Variants in SPTLC3 observed in about 807,000 individuals in gnomAD.
The protein encoded by SPTLC3 is serine palmitoyltransferase 3.
A neutral mutation model predicts 59.3 loss-of-function variants in SPTLC3; 36 were observed. That is an observed-to-expected ratio of 0.61 (90% CI 0.47 to 0.80). The LOEUF (loss-of-function observed/expected upper bound fraction) is 0.80. Among genes scored for constraint, SPTLC3 ranks in the 30% least tolerant of loss-of-function variants. The pLI, the probability that SPTLC3 is intolerant of heterozygous loss-of-function variation, is 0.00. For missense variants in SPTLC3, 625 were observed against 685.1 expected, an observed-to-expected ratio of 0.91 and a Z score of 0.98; for synonymous variants, 257 against 240.8, an observed-to-expected ratio of 1.07 and a Z score of -0.62.
At chr20:13,150,518 G>A (rs910682926) in intron 9 of SPTLC3, among the ~76,000 whole-genome samples, 1 of 152,132 alleles carries the variant, frequency 6.6e-6, no homozygotes, top group Non-Finnish European at 1.5e-5. Context: ...TCCATCCAGG[G>A]ACTCCAAAGT....
chr20:13,089,279 A>C (rs1209207480), intron 4 of SPTLC3, among the ~76,000 whole-genome samples: 1 of 152,192 alleles, frequency 6.6e-6, no homozygotes, highest in African/African-American at 2.4e-5. Flanking sequence ...TGTGTGTGCA[A>C]ATTACAGCAT....
At chr20:13,080,021 G>A (rs1023106527) in intron 4 of SPTLC3, among the ~76,000 whole-genome samples, 4 of 152,218 alleles carry the variant, frequency 2.6e-5, no homozygotes, top group African/African-American at 9.6e-5. Flanking sequence ...ATTCGGCAAA[G>A]TGAAACATTT....
At chr20:13,157,206 G>A (rs546565101) in intron 10 of SPTLC3, among the ~76,000 whole-genome samples, 79 of 151,982 alleles carry the variant, frequency 5.2e-4, no homozygotes, top group African/African-American at 1.8e-3. Flanking sequence ...AGGAGGCTGA[G>A]GCAGATGGAT....
chr20:13,131,526 C>T (rs570299542), intron 9 of SPTLC3, among the ~76,000 whole-genome samples: 2 of 152,336 alleles, frequency 1.3e-5, no homozygotes, highest in African/African-American at 4.8e-5. Context: ...GCTTTATTCC[C>T]TTACTTCTGC....
chr20:13,044,754 C>T (rs901018363), intron 1 of SPTLC3, among the ~76,000 whole-genome samples: 2 of 152,132 alleles, frequency 1.3e-5, no homozygotes, highest in African/African-American at 4.8e-5. Context: ...CCACTTAGCA[C>T]TGGAGACATT....
intron 6 of SPTLC3, among the ~76,000 whole-genome samples, chr20:13,104,520 AT>A (rs1322985232): frequency 6.6e-6 from 1 of 152,050 alleles, no homozygotes; most frequent in African/African-American, 2.4e-5. Context: ...ATTAAACCTC[AT>A]TTTCTTTATA....
intron 6 of SPTLC3, among the ~76,000 whole-genome samples, chr20:13,099,573 G>A (rs1600277235): frequency 1.3e-5 from 2 of 152,200 alleles, no homozygotes; most frequent in Non-Finnish European, 1.5e-5. Context: ...TTCTGCTGCT[G>A]TTGTATTTAC....
chr20:13,156,147 G>T (rs901491287), intron 10 of SPTLC3, among the ~76,000 whole-genome samples: 24 of 152,106 alleles, frequency 1.6e-4, no homozygotes, highest in African/African-American at 5.6e-4. Flanking sequence ...TTCCAAACTT[G>T]GCTCAGGTTT....
intron 2 of SPTLC3, among the ~76,000 whole-genome samples, chr20:13,070,308 A>G (rs1237682516): frequency 6.6e-6 from 1 of 152,152 alleles, no homozygotes; most frequent in Non-Finnish European, 1.5e-5. Flanking sequence ...TTTCCTACAA[A>G]AGAAAAGTAT....
At chr20:13,080,120 T>A (rs1040839321) in intron 4 of SPTLC3, among the ~76,000 whole-genome samples, 1 of 152,172 alleles carries the variant, frequency 6.6e-6, no homozygotes, top group Non-Finnish European at 1.5e-5. Context: ...TATGACAACA[T>A]GTTAATATTC....
At chr20:13,076,706 C>T (rs1568590538) in intron 4 of SPTLC3, among the ~76,000 whole-genome samples, 1 of 151,946 alleles carries the variant, frequency 6.6e-6, no homozygotes, top group Non-Finnish European at 1.5e-5. Flanking sequence ...CTATGTGCTG[C>T]AATTTAAAAA....
intron 6 of SPTLC3, among the ~76,000 whole-genome samples, chr20:13,104,460 C>G (rs1989760167): frequency 6.6e-6 from 1 of 152,170 alleles, no homozygotes; most frequent in African/African-American, 2.4e-5. Flanking sequence ...GTGCCTTTCC[C>G]CTTCCGCCAT....
chr20:13,159,199 A>G (rs1038149660), intron 10 of SPTLC3, among the ~76,000 whole-genome samples: 1 of 152,232 alleles, frequency 6.6e-6, no homozygotes, highest in Non-Finnish European at 1.5e-5. Context: ...AAGGGAAGGA[A>G]TCATAGCTTA....
At chr20:13,153,910 CAGAAAGACTTAA>C (rs1190713337) in intron 9 of SPTLC3, 81 bp from the exon 10 acceptor site, 10 of 1,521,946 alleles carry the variant, frequency 6.6e-6, no homozygotes, top group Non-Finnish European at 8.9e-6. Flanking sequence ...TGCTGGCCTG[CAGAAAGACTTAA>C]AGATGCTTGC....
At chr20:13,053,251 A>G (rs2327681) in intron 2 of SPTLC3, among the ~76,000 whole-genome samples, 132,564 of 152,100 alleles carry the variant, frequency 0.87, 57,836 homozygotes, top group East Asian at 0.92. Flanking sequence ...CCAGGCAAAC[A>G]GGGTCTGGAG....
At chr20:13,155,818 T>TC (rs1485625139) in intron 10 of SPTLC3, among the ~76,000 whole-genome samples, 1 of 152,116 alleles carries the variant, frequency 6.6e-6, no homozygotes, top group East Asian at 1.9e-4. Context: ...AGAGCAAGAC[T>TC]CCGTCTAAAA....
intron 3 of SPTLC3, chr20:13,073,692 G>C (rs943952128): frequency 2.3e-5 from 9 of 395,740 alleles, no homozygotes; most frequent in Admixed American, 2.2e-4. Context: ...TTATCTGCTT[G>C]TTCATTGCTG....
chr20:13,079,986 A>G (rs1385519414), intron 4 of SPTLC3: 2 of 252,660 alleles, frequency 7.9e-6, no homozygotes, highest in African/African-American at 4.7e-5. Context: ...CAGAGAAAAC[A>G]CCCACAGAAA....
chr20:13,098,188 G>A (rs1989487904), intron 6 of SPTLC3, among the ~76,000 whole-genome samples: 1 of 152,254 alleles, frequency 6.6e-6, no homozygotes, highest in Middle Eastern at 3.4e-3. Context: ...TGCTGTAATT[G>A]TATGAGAATA....
Sources: gnomAD v4.1 joint callset for allele counts (sites outside exome capture counted in the v4.1 genomes callset) on GRCh38, gnomAD v4.1.1 for gene constraint, MANE v1.5 for transcripts, NCBI Gene and HGNC (gene_info 2026-07-23, HGNC 2026-07-21) for gene names.